Variants in SORCS1 observed in about 807,000 individuals in gnomAD.
SORCS1 encodes the protein sortilin related VPS10 domain containing receptor 1.
Under a neutral mutation model 146.1 loss-of-function variants are expected in SORCS1, and 60 were observed. The observed-to-expected ratio is 0.41, with a 90% CI of 0.33 to 0.51. SORCS1 has a LOEUF of 0.51. SORCS1 is among the 20% of genes least tolerant of loss of function. The probability of loss-of-function intolerance (pLI) is 0.21; values close to 1 mark genes in which losing one functional copy is unlikely to be tolerated. For synonymous variants in SORCS1, 637 were observed against 584.0 expected (o/e 1.09, Z -1.31); for missense variants, 1,352 against 1,487.6 (o/e 0.91, Z 1.50).
chr10:106,940,539 T>G (rs1018585329), intron 2 of SORCS1, among the ~76,000 whole-genome samples: 3 of 152,180 alleles, frequency 2.0e-5, no homozygotes, highest in African/African-American at 7.2e-5. Context: ...TGAGCAGTAA[T>G]TTATTCTCTG....
At chr10:107,040,668 C>T (rs1262353993) in intron 1 of SORCS1, among the ~76,000 whole-genome samples, 1 of 152,190 alleles carries the variant, frequency 6.6e-6, no homozygotes, top group Non-Finnish European at 1.5e-5. Flanking sequence ...GCATGCATCT[C>T]ATAAAGAAAC....
intron 25 of SORCS1, chr10:106,578,669 C>G: frequency 5.9e-6 from 6 of 1,008,662 alleles, no homozygotes; most frequent in Non-Finnish European, 7.1e-6. Context: ...AGAGCTGTAT[C>G]CAGTTGAGGC....
At position 106,672,918 on chromosome 10, in the gene SORCS1, C is replaced by T; in HGVS notation, c.2008G>A (p.Asp670Asn). 6.2e-7 allele frequency: 1 copy of T among 1,614,096 alleles called. No individual in the cohort carries two copies. The highest frequency in any genetic ancestry group is 8.5e-7 in the Non-Finnish European group (1 of 1,180,000). Residue 670 changes from aspartate (D) to asparagine (N), a missense_variant, in exon 15 of 26, where the codon GAT (aspartate) becomes AAT (asparagine). Transcript: ENST00000263054. The stretch of plus-strand genomic sequence containing the variant: ...TAGTCCTCTTCGGCACACCGTCTAT[C>T]AAAAATGGACTTGTAATCTACTTTG... Reference protein sequence around the residue: ...LVKVDYKSIFDRRCAEEDYRP... With the variant: ...LVKVDYKSIFNRRCAEEDYRP...
chr10:106,575,074 T>C lies in SORCS1; in HGVS notation c.*2346A>G, dbSNP rs1479692386. On this transcript the variant is annotated 3_prime_UTR_variant, in exon 26 of 26. Transcript: ENST00000263054. ...ATTAAAATGAATTGAACTGCAACTC[T>C]GAGGACTCCCTGTGCTGGTTTGAGT... The C allele has an allele frequency of 1.3e-5, 2 of 152,682 alleles. No homozygotes were observed. Among genetic ancestry groups the C allele is most frequent in the Non-Finnish European group, 2.9e-5 (2 of 68,054 alleles). 9.5% of individuals were successfully genotyped at this position (152,682 alleles called of 1,614,324 possible).
intron 2 of SORCS1, among the ~76,000 whole-genome samples, chr10:106,904,011 G>GA (rs1236465292): frequency 2.0e-5 from 3 of 152,102 alleles, no homozygotes; most frequent in Non-Finnish European, 4.4e-5. Context: ...CTTATCTCTT[G>GA]AAAAACACAG....
At chr10:106,628,294 T>G (rs1196115680) in intron 19 of SORCS1, among the ~76,000 whole-genome samples, 1 of 152,238 alleles carries the variant, frequency 6.6e-6, no homozygotes, top group Non-Finnish European at 1.5e-5. Context: ...GAAAATGTTC[T>G]AATTGATACT....
At chr10:106,811,405 T>C (rs1334685120) in intron 3 of SORCS1, among the ~76,000 whole-genome samples, 1 of 152,186 alleles carries the variant, frequency 6.6e-6, no homozygotes, top group Non-Finnish European at 1.5e-5. Context: ...CTCTGTTTAG[T>C]AAAGTGTAGT....
intron 4 of SORCS1, among the ~76,000 whole-genome samples, chr10:106,767,126 C>T (rs896471718): frequency 6.6e-6 from 1 of 152,136 alleles, no homozygotes; most frequent in Non-Finnish European, 1.5e-5. Context: ...AGACTGGATC[C>T]AAATGTCATT....
At chr10:106,868,476 A>G (rs1323295917) in intron 2 of SORCS1, among the ~76,000 whole-genome samples, 7 of 152,210 alleles carry the variant, frequency 4.6e-5, no homozygotes, top group Non-Finnish European at 1.0e-4. Context: ...AATGGAAAAG[A>G]ACCAAATTCA....
At chr10:106,761,297 T>C (rs1404914453) in intron 5 of SORCS1, among the ~76,000 whole-genome samples, 2 of 152,222 alleles carry the variant, frequency 1.3e-5, no homozygotes, top group Non-Finnish European at 2.9e-5. Flanking sequence ...AATGTCTGTC[T>C]CAAAGGTTCC....
At chr10:106,926,385 T>C (rs1953017292) in intron 2 of SORCS1, among the ~76,000 whole-genome samples, 1 of 152,204 alleles carries the variant, frequency 6.6e-6, no homozygotes. Context: ...AGCTATTTAA[T>C]ACTGAACTCA....
chr10:106,785,548 T>G (rs1946017418), intron 3 of SORCS1, among the ~76,000 whole-genome samples: 1 of 152,160 alleles, frequency 6.6e-6, no homozygotes, highest in African/African-American at 2.4e-5. Flanking sequence ...TAGAGGGAAT[T>G]TTTTCCCTTT....
At chr10:106,727,144 G>T (rs143397647) in intron 6 of SORCS1, among the ~76,000 whole-genome samples, 1 of 151,952 alleles carries the variant, frequency 6.6e-6, no homozygotes, top group Non-Finnish European at 1.5e-5. Flanking sequence ...GAATTACAAT[G>T]CAGATCTTAA....
Position 107,139,590 on chromosome 10 carries a change from G to A in SORCS1, c.558+24379C>T, listed in dbSNP as rs1408297180. On this transcript the variant is annotated intron_variant, in intron 1 of 25. Transcript: ENST00000263054. ...AGCAGATTCTCAAAGGTATAGTCAG[G>A]CCCTGACACATATACACAATCAGTA... 2.0e-5 allele frequency among the ~76,000 whole-genome samples: 3 copies of A among 152,090 alleles called. No homozygotes were observed. In the East Asian group the frequency reaches 5.8e-4, roughly 29 times the overall value.
At chr10:107,024,848 A>C (rs544862482) in intron 1 of SORCS1, among the ~76,000 whole-genome samples, 4 of 152,312 alleles carry the variant, frequency 2.6e-5, no homozygotes, top group African/African-American at 9.6e-5. Flanking sequence ...GCTGCAAAAC[A>C]TTTACTGCAC....
At chr10:107,011,245 A>G (rs754539879) in intron 1 of SORCS1, among the ~76,000 whole-genome samples, 1 of 152,184 alleles carries the variant, frequency 6.6e-6, no homozygotes, top group Non-Finnish European at 1.5e-5. Context: ...CATTATCCAC[A>G]GCATTGAAAA....
intron 1 of SORCS1, among the ~76,000 whole-genome samples, chr10:107,108,064 C>G (rs1565053488): frequency 6.6e-6 from 1 of 152,144 alleles, no homozygotes; most frequent in Non-Finnish European, 1.5e-5. Flanking sequence ...CTCAGCCCTA[C>G]AGCAGATCTT....
At chr10:106,989,613 A>G (rs2139452387) in intron 1 of SORCS1, among the ~76,000 whole-genome samples, 1 of 150,378 alleles carries the variant, frequency 6.6e-6, no homozygotes, top group South Asian at 2.1e-4. Flanking sequence ...TCATTTATAT[A>G]CATTTATATA....
At chr10:107,041,708 G>T (rs1010120474) in intron 1 of SORCS1, among the ~76,000 whole-genome samples, 3 of 152,092 alleles carry the variant, frequency 2.0e-5, no homozygotes, top group Non-Finnish European at 4.4e-5. Context: ...AGTGAAAGGT[G>T]AGGAAGTGAG....
Sources: allele counts gnomAD v4.1 joint callset (sites outside exome capture counted in the v4.1 genomes callset), GRCh38; gene constraint gnomAD v4.1.1; transcripts MANE v1.5; gene names NCBI Gene and HGNC (gene_info 2026-07-23, HGNC 2026-07-21).